The following TTC21A variants were observed in gnomAD, a reference collection of about 807,000 sequenced individuals.
The protein encoded by TTC21A is tetratricopeptide repeat domain 21A, also known as tetratricopeptide repeat protein 21A.
In TTC21A, 128 loss-of-function variants were observed where a neutral mutation model predicts 156.4. The observed-to-expected ratio is 0.82, with a 90% CI of 0.71 to 0.95. The LOEUF (loss-of-function observed/expected upper bound fraction) is 0.95, where lower values mean the gene tolerates loss of function less well. TTC21A is among the 40% of genes least tolerant of loss of function. The pLI is 0.00. For synonymous variants in TTC21A, 587 were observed against 617.1 expected, an observed-to-expected ratio of 0.95 and a Z score of 0.72; for missense variants, 1,435 against 1,602.3, an observed-to-expected ratio of 0.90 and a Z score of 1.78.
At chr3:39,126,984 CA>C (rs2038320255) in intron 12 of TTC21A, among the ~76,000 whole-genome samples, 1 of 152,122 alleles carries the variant, frequency 6.6e-6, no homozygotes. Flanking sequence ...GGAAGTGATG[CA>C]GGGGTGGCAG....
At position 39,136,381 on chromosome 3, in the gene TTC21A, T is replaced by G; in HGVS notation, c.2969T>G (p.Leu990Ter). Residue 990 changes from leucine (L) to a stop codon, truncating the protein, a stop_gained, in exon 23 of 29, where the codon TTA becomes TGA. Coordinates refer to ENST00000683103, the MANE Select transcript of TTC21A (RefSeq NM_001366900.1). LOFTEE classifies it high-confidence loss of function. ...GACAATTTTTTGGTATTGCATAAAT[T>G]AATCGATCTGCTAAGAAGAAGTGGA... ...APDNFLVLHK[L>*]IDLLRRSGKL... The G allele has an allele frequency of 1.2e-6, 2 of 1,613,056 alleles. No individual in the cohort carries two copies. The highest frequency in any genetic ancestry group is 1.7e-6 in the Non-Finnish European group (2 of 1,179,674).
chr3:39,137,240 C>T lies in TTC21A; in HGVS notation c.3303C>T (p.Ala1101=), dbSNP rs1039000248. Reference sequence around the variant, plus strand: ...TGGAGCAGCAGGGTGTGAGCACCGCCGAGAAACTGCTGCGTGAGTTTTACC... The same window carrying T: ...TGGAGCAGCAGGGTGTGAGCACCGCTGAGAAACTGCTGCGTGAGTTTTACC... ...KELEQQGVST[A]EKLLREFYPH... Residue 1101 remains alanine, a synonymous_variant, in exon 25 of 29, where the codon GCC becomes GCT. Transcript: ENST00000683103. The T allele has an allele frequency of 1.2e-5, 20 of 1,614,034 alleles. No individual in the cohort carries two copies. The highest frequency in any genetic ancestry group is 6.7e-5 in the African/African-American group (5 of 74,950).
At chr3:39,126,113 G>A (rs1332442412) in intron 11 of TTC21A, 148 bp from the exon 12 acceptor site, 9 of 967,482 alleles carry the variant, frequency 9.3e-6, no homozygotes, top group African/African-American at 6.6e-5. Context: ...CCTGGAGCTC[G>A]TGCTCTAAGC....
Position 39,134,996 on chromosome 3 carries a change from C to A in TTC21A, c.2863-97C>A. On this transcript the variant is annotated intron_variant, in intron 21 of 28. Transcript: ENST00000683103. This position sits in a 1 kb window ranked among gnomAD's most constrained non-coding sequence, Gnocchi z 4.6. ...CCTTGCAAGTCCTTTTCTACCTTCC[C>A]TTCTTACCACCATCACCCCCATACC... 9.3e-7 allele frequency: 1 copy of A among 1,079,820 alleles called. No individual in the cohort carries two copies. 66.9% of individuals were successfully genotyped at this position (1,079,820 alleles called of 1,614,324 possible).
chr3:39,124,658 C>CAAAAAAAAAAAAAAAAAAAAAAAAAAA (rs60845030), intron 9 of TTC21A, among the ~76,000 whole-genome samples: 1 of 71,072 alleles, frequency 1.4e-5, no homozygotes, highest in African/African-American at 4.2e-5. Context: ...AACTCCGTCT[C>CAAAAAAAAAAAAAAAAAAAAAAAAAAA]AAAAAAAAAA....
intron 1 of TTC21A, chr3:39,108,315 C>G (rs1168756173): frequency 5.8e-6 from 1 of 171,008 alleles, no homozygotes. Flanking sequence ...AGCCCAGAAC[C>G]AGCACCATCT....
At position 39,120,001 on chromosome 3, in the gene TTC21A, T is replaced by C. The variant is rs769879141; in HGVS notation, c.881T>C (p.Ile294Thr). 6.2e-7 allele frequency: 1 copy of C among 1,605,236 alleles called. No homozygotes were observed. The highest frequency in any genetic ancestry group is 8.5e-7 in the Non-Finnish European group (1 of 1,172,734). ...AATCCAAGCCTCCATCTTAAAAAAATTATTGTGGTTAGCCGACTGGTAAGA... is the reference window on the plus strand; with the variant it reads ...AATCCAAGCCTCCATCTTAAAAAAACTATTGTGGTTAGCCGACTGGTAAGA... ...PENPSLHLKK[I>T]IVVSRLCGSH... Residue 294 changes from isoleucine (I) to threonine (T), a missense_variant, in exon 8 of 29, where the codon ATT (isoleucine) becomes ACT (threonine). Ile to Thr is a moderately conservative substitution (Grantham distance 89, BLOSUM62 -1). Coordinates refer to ENST00000683103, the MANE Select transcript of TTC21A (RefSeq NM_001366900.1).
Position 39,125,443 on chromosome 3 carries a change from A to T in TTC21A, c.1303A>T (p.Ile435Phe), listed in dbSNP as rs541168693. 2.5e-6 allele frequency: 4 copies of T among 1,614,108 alleles called. No individual in the cohort carries two copies. In the East Asian group the frequency reaches 6.7e-5, roughly 27 times the overall value. ...VELHFSSMQG[I>F]PLGSEYFEKL... ...GCTTCACTTCTCCAGCATGCAAGGCATCCCTCTTGGCTCTGAGTACTTTGA... is the reference window on the plus strand; with the variant it reads ...GCTTCACTTCTCCAGCATGCAAGGCTTCCCTCTTGGCTCTGAGTACTTTGA... The change falls in exon 11 of 29, where the codon ATC (isoleucine) becomes TTC (phenylalanine). Residue 435 changes from isoleucine (I) to phenylalanine (F), a missense_variant. Ile to Phe is a conservative substitution (Grantham distance 21). Transcript: ENST00000683103.
rs758705187 is a variant in TTC21A at position 39,130,694 on chromosome 3, C to G, written c.2320-7C>G. The G allele has an allele frequency of 1.2e-6, 2 of 1,613,908 alleles. No homozygotes were observed. The highest frequency in any genetic ancestry group is 4.5e-5 in the East Asian group (2 of 44,896). ...GCCAGAGGCTAATATTTACTGTTTG[C>G]ACTAAGGCAATTGAGTATTATGAGG... On this transcript the variant is annotated splice_polypyrimidine_tract_variant and splice_region_variant and intron_variant, in intron 17 of 28. Transcript: ENST00000683103. The surrounding 1 kb of genome is among the most constrained non-coding windows in gnomAD (Gnocchi z 4.5).
At chr3:39,123,511 C>G (rs972773588) in intron 9 of TTC21A, among the ~76,000 whole-genome samples, 19 of 152,038 alleles carry the variant, frequency 1.2e-4, no homozygotes, top group African/African-American at 4.6e-4. Context: ...ACCCTGCTAT[C>G]CATTATGAAA....
At chr3:39,133,412 C>T (rs1299946748) in intron 20 of TTC21A, among the ~76,000 whole-genome samples, 172 bp downstream of exon 20, 1 of 152,204 alleles carries the variant, frequency 6.6e-6, no homozygotes, top group Non-Finnish European at 1.5e-5. Flanking sequence ...GGTGTCTGCT[C>T]CTGCTGACCT....
intron 3 of TTC21A, 133 bp from the exon 4 acceptor site, chr3:39,110,718 G>A (rs769918015): frequency 6.7e-4 from 601 of 897,318 alleles, no homozygotes; most frequent in Non-Finnish European, 7.7e-4. Flanking sequence ...GCGGTGTGCT[G>A]CATATGTTGA....
rs773126017 is a variant in TTC21A at position 39,131,058 on chromosome 3, G to T, written c.2525G>T (p.Ser842Ile). Residue 842 changes from serine (S) to isoleucine (I), a missense_variant, in exon 19 of 29, where the codon AGC becomes ATC. Physicochemically the swap from Ser to Ile is moderately radical, Grantham distance 142. Transcript: ENST00000683103. ...CTTTTGCTGGCAAAGGTTTACAAGA[G>T]CCATAAAAAAGAAGCTGTGATAGAA... is the stretch of plus-strand genomic sequence containing the variant. ...CLLLLAKVYKSHKKEAVIETL... is the reference protein window; with the variant it reads ...CLLLLAKVYKIHKKEAVIETL... 3.7e-6 allele frequency: 6 copies of T among 1,612,640 alleles called. No individual in the cohort carries two copies. The highest frequency in any genetic ancestry group is 5.1e-6 in the Non-Finnish European group (6 of 1,180,008).
rs1190859284 is a variant in TTC21A at position 39,128,838 on chromosome 3, AAGGCAGAAAGTTCCTC to A, written c.1807_1822del (p.Arg603ProfsTer21). On this transcript the variant is annotated frameshift_variant, in exon 14 of 29. Coordinates refer to ENST00000683103, the MANE Select transcript of TTC21A (RefSeq NM_001366900.1). LOFTEE classifies it high-confidence loss of function. Reference sequence around the variant, plus strand: ...AAATTGCCAGCTCTGAAGAAGGAAGAAGGCAGAAAGTTCCTCAGGCCCTCTGTGCAGCCTAGCCAGC... The same window carrying A: ...AAATTGCCAGCTCTGAAGAAGGAAGAAGGCCCTCTGTGCAGCCTAGCCAGC... 6.2e-7 allele frequency: 1 copy of A among 1,614,206 alleles called. No homozygotes were observed. The highest frequency in any genetic ancestry group is 1.1e-5 in the South Asian group (1 of 91,082).
intron 19 of TTC21A, among the ~76,000 whole-genome samples, chr3:39,131,348 A>G (rs1206151122): frequency 6.6e-6 from 1 of 152,218 alleles, no homozygotes; most frequent in African/African-American, 2.4e-5. Context: ...CTCAAGGGTG[A>G]TAGTAGAGAT....
chr3:39,136,614 G>A, intron 23 of TTC21A, 107 bp downstream of exon 23: 1 of 1,384,618 alleles, frequency 7.2e-7, no homozygotes, highest in Non-Finnish European at 9.8e-7. Flanking sequence ...CTGCCTCCAG[G>A]ACACCCGGAC....
chr3:39,122,010 A>G (rs959672823), intron 9 of TTC21A, among the ~76,000 whole-genome samples: 1 of 152,224 alleles, frequency 6.6e-6, no homozygotes, highest in African/African-American at 2.4e-5. Context: ...AATGAAAGAT[A>G]TCTTTAAAAG....
intron 1 of TTC21A, among the ~76,000 whole-genome samples, chr3:39,108,555 A>G (rs1018590094): frequency 6.6e-6 from 1 of 152,116 alleles, no homozygotes; most frequent in Non-Finnish European, 1.5e-5. Flanking sequence ...GCCCATGAGG[A>G]TGTTTACAGT....
chr3:39,137,891 A>C, intron 26 of TTC21A, 181 bp downstream of exon 26: 1 of 686,612 alleles, frequency 1.5e-6, no homozygotes, highest in Non-Finnish European at 2.5e-6. Context: ...AGGGCGATGG[A>C]CCAGGTGAGA....
Sources: allele counts gnomAD v4.1 joint callset (sites outside exome capture counted in the v4.1 genomes callset), GRCh38; gene constraint gnomAD v4.1.1; non-coding constraint Gnocchi (gnomAD v3.1); transcripts MANE v1.5; gene names NCBI Gene and HGNC (gene_info 2026-07-23, HGNC 2026-07-21).